The following NRXN1 variants were observed in gnomAD, a reference collection of about 807,000 sequenced individuals.
NRXN1 encodes neurexin 1, also known as neurexin-1.
NRXN1 carries 39 observed loss-of-function variants against 150.9 expected under a neutral mutation model. The observed-to-expected ratio is 0.26, with a 90% CI of 0.20 to 0.34. The LOEUF (loss-of-function observed/expected upper bound fraction) is 0.34, where lower values mean the gene tolerates loss of function less well. NRXN1 is among the 10% of genes least tolerant of loss of function. The pLI, the probability that NRXN1 is intolerant of heterozygous loss-of-function variation, is 1.00. For synonymous variants in NRXN1, 924 were observed against 757.0 expected (o/e 1.22, Z -3.62); for missense variants, 1,815 against 1,949.9 (o/e 0.93, Z 1.30).
intron 17 of NRXN1, among the ~76,000 whole-genome samples, chr2:50,283,199 C>A (rs545975888): frequency 6.6e-6 from 1 of 152,036 alleles, no homozygotes; most frequent in Non-Finnish European, 1.5e-5. Context: ...TTCTGTAAAC[C>A]TTAGAAGTAT....
At chr2:50,287,843 A>G (rs1378066938) in intron 17 of NRXN1, among the ~76,000 whole-genome samples, 1 of 152,176 alleles carries the variant, frequency 6.6e-6, no homozygotes, top group East Asian at 1.9e-4. Flanking sequence ...ATTACTTAGT[A>G]TGTATTAAAT....
chr2:50,545,633 A>G (rs1289852679), intron 9 of NRXN1, among the ~76,000 whole-genome samples: 2 of 152,232 alleles, frequency 1.3e-5, no homozygotes, highest in Non-Finnish European at 2.9e-5. Context: ...GGAATTACCT[A>G]TTACAGGACA....
intron 2 of NRXN1, among the ~76,000 whole-genome samples, chr2:50,986,371 C>T (rs1351286056): frequency 1.3e-5 from 2 of 151,554 alleles, no homozygotes; most frequent in Non-Finnish European, 3.0e-5. Context: ...TAAATATGGA[C>T]AAACATATAC....
intron 12 of NRXN1, among the ~76,000 whole-genome samples, chr2:50,521,696 T>C (rs1337740044): frequency 6.6e-6 from 1 of 152,178 alleles, no homozygotes; most frequent in Non-Finnish European, 1.5e-5. Flanking sequence ...GGGTATTTTA[T>C]AGCTAAACTG....
chr2:50,531,035 A>C (rs1242787952), intron 11 of NRXN1, among the ~76,000 whole-genome samples, 192 bp downstream of exon 11: 1 of 152,208 alleles, frequency 6.6e-6, no homozygotes, highest in African/African-American at 2.4e-5. Flanking sequence ...ACAGTAAGTT[A>C]TGTTAAACAT....
chr2:50,321,014 G>T (rs1295176935), intron 17 of NRXN1, among the ~76,000 whole-genome samples: 1 of 152,066 alleles, frequency 6.6e-6, no homozygotes. Flanking sequence ...AAGAATCCAG[G>T]CATTCAGGAT....
intron 22 of NRXN1, among the ~76,000 whole-genome samples, chr2:49,928,116 C>T (rs975162598): frequency 2.0e-5 from 3 of 150,610 alleles, no homozygotes; most frequent in Non-Finnish European, 4.4e-5. Flanking sequence ...AAGAAAAAAA[C>T]ATGCTAGTGG....
intron 8 of NRXN1, among the ~76,000 whole-genome samples, chr2:50,571,273 T>C (rs1175027687): frequency 1.3e-5 from 2 of 152,136 alleles, no homozygotes; most frequent in African/African-American, 4.8e-5. Flanking sequence ...AAAATATAAA[T>C]GGTCATTCAG....
chr2:50,912,257 G>A (rs1438607007), intron 5 of NRXN1: 1 of 151,750 alleles, frequency 6.6e-6, no homozygotes, highest in South Asian at 2.1e-4. Flanking sequence ...CCATAACCTA[G>A]TGAATAAAAT....
intron 17 of NRXN1, among the ~76,000 whole-genome samples, chr2:50,450,041 C>T (rs1246997950): frequency 6.6e-6 from 1 of 152,154 alleles, no homozygotes; most frequent in African/African-American, 2.4e-5. Context: ...TCTACTGCAC[C>T]TGAAGCCTCA....
At chr2:50,586,522 T>A (rs191604939) in intron 8 of NRXN1, among the ~76,000 whole-genome samples, 1 of 151,632 alleles carries the variant, frequency 6.6e-6, no homozygotes, top group Admixed American at 6.6e-5. Flanking sequence ...ACATATTAAA[T>A]TTTTTAATGA....
chr2:50,031,040 C>A (rs1422835909), intron 21 of NRXN1, among the ~76,000 whole-genome samples: 1 of 151,998 alleles, frequency 6.6e-6, no homozygotes, highest in Admixed American at 6.6e-5. Context: ...AAAGCACTAC[C>A]CACAGTGGGA....
At chr2:50,316,140 G>C (rs2075587078) in intron 17 of NRXN1, among the ~76,000 whole-genome samples, 1 of 152,066 alleles carries the variant, frequency 6.6e-6, no homozygotes, top group Non-Finnish European at 1.5e-5. Flanking sequence ...GAAGCTTGGA[G>C]GCTATAATAT....
At chr2:50,495,260 G>T (rs1403998267) in intron 15 of NRXN1, among the ~76,000 whole-genome samples, 1 of 151,880 alleles carries the variant, frequency 6.6e-6, no homozygotes, top group Non-Finnish European at 1.5e-5. Context: ...TCAGCATTTT[G>T]TCACGTGCAT....
chr2:50,434,054 T>C (rs1400512174), intron 17 of NRXN1, among the ~76,000 whole-genome samples: 8 of 131,562 alleles, frequency 6.1e-5, no homozygotes, highest in Non-Finnish European at 9.7e-5. Context: ...TTTTTTTTTT[T>C]TTTTTTTTTT....
chr2:50,677,428 A>G (rs916795758), intron 5 of NRXN1, among the ~76,000 whole-genome samples: 5 of 152,130 alleles, frequency 3.3e-5, no homozygotes, highest in Admixed American at 6.6e-5. Context: ...GACACTGTCT[A>G]AGAAACTCTA....
intron 5 of NRXN1, among the ~76,000 whole-genome samples, chr2:50,828,448 C>A (rs1201827387): frequency 6.6e-6 from 1 of 150,440 alleles, no homozygotes; most frequent in Non-Finnish European, 1.5e-5. Context: ...GGCTGCCGGG[C>A]GGAGGGGCTC....
intron 5 of NRXN1, among the ~76,000 whole-genome samples, chr2:50,844,982 T>G (rs1673428463): frequency 6.6e-6 from 1 of 152,054 alleles, no homozygotes; most frequent in Admixed American, 6.5e-5. Context: ...GCCTCTCAAG[T>G]AGCTGGGACC....
chr2:50,777,639 A>G (rs1340947479), intron 5 of NRXN1, among the ~76,000 whole-genome samples: 1 of 152,174 alleles, frequency 6.6e-6, no homozygotes, highest in Admixed American at 6.5e-5. Context: ...AGAGTATTTT[A>G]AAGGTTCAAG....
Sources: allele counts gnomAD v4.1 joint callset (sites outside exome capture counted in the v4.1 genomes callset), GRCh38; gene constraint gnomAD v4.1.1; transcripts MANE v1.5; gene names NCBI Gene and HGNC (gene_info 2026-07-23, HGNC 2026-07-21).